PCNX3: variants seen among roughly 807,000 people sequenced by gnomAD.
PCNX3 encodes the protein pecanex 3.
PCNX3 carries 58 observed loss-of-function variants against 207.2 expected under a neutral mutation model. That is an observed-to-expected ratio of 0.28 (90% CI 0.23 to 0.35). The LOEUF (loss-of-function observed/expected upper bound fraction) is 0.35, where lower values mean the gene tolerates loss of function less well. Ranked by LOEUF, PCNX3 falls within the 10% of genes least tolerant of loss-of-function variation. The pLI, the probability that PCNX3 is intolerant of heterozygous loss-of-function variation, is 1.00. For synonymous variants in PCNX3, 1,337 were observed against 1,183.5 expected, an observed-to-expected ratio of 1.13 and a Z score of -2.66; for missense variants, 2,410 against 2,774.4, an observed-to-expected ratio of 0.87 and a Z score of 2.95.
chr11:65,633,580 C>G (rs763863022), intron 27 of PCNX3, among the ~76,000 whole-genome samples: 1 of 152,202 alleles, frequency 6.6e-6, no homozygotes, highest in Non-Finnish European at 1.5e-5. Flanking sequence ...CTCCCGCGCT[C>G]GGGGTTATGT....
chr11:65,635,774 T>C lies in PCNX3; in HGVS notation c.5430T>C (p.Ile1810=), dbSNP rs1565173858. The change falls in exon 32 of 35, where the codon ATT becomes ATC. Residue 1810 remains isoleucine (I), a synonymous_variant. Transcript: ENST00000355703. This position sits in a 1 kb window ranked among gnomAD's most constrained non-coding sequence, Gnocchi z 9.9. Reference sequence around the variant, plus strand: ...GTGGCCCCATCAGCCTGGGTGCCATTGCCCACTGGCTCCTGCGCACCTGGG... The same window carrying C: ...GTGGCCCCATCAGCCTGGGTGCCATCGCCCACTGGCTCCTGCGCACCTGGG... ...LWGGPISLGA[I]AHWLLRTWER... 2 of 1,604,036 alleles carry C rather than the reference T, an allele frequency of 1.2e-6. No homozygotes were observed. The highest frequency in any genetic ancestry group is 1.7e-6 in the Non-Finnish European group (2 of 1,175,936).
At chr11:65,633,960 G>T (rs1024094544) in intron 27 of PCNX3, 166 bp from the exon 28 acceptor site, 8 of 661,384 alleles carry the variant, frequency 1.2e-5, no homozygotes, top group Non-Finnish European at 2.0e-5. Flanking sequence ...AGGGGAAGGA[G>T]CCAACTTGCT....
chr11:65,616,179 C>T lies in PCNX3; in HGVS notation c.-133C>T, dbSNP rs1412022637. ...CACCCTCGCGCGGCCGAGCCCCCCTCCCCCGCTGGGGGAGGCCATGGCGTG... is the reference window on the plus strand; with the variant it reads ...CACCCTCGCGCGGCCGAGCCCCCCTTCCCCGCTGGGGGAGGCCATGGCGTG... On this transcript the variant is annotated 5_prime_UTR_variant, in exon 1 of 35. Coordinates refer to ENST00000355703, the MANE Select transcript of PCNX3 (RefSeq NM_032223.4). 4 of 655,644 alleles carry T rather than the reference C, an allele frequency of 6.1e-6. No individual in the cohort carries two copies. The highest frequency in any genetic ancestry group is 8.9e-6 in the Non-Finnish European group (4 of 451,726). The allele number at this position is 655,644 out of a possible 1,614,324, so 40.6% of individuals were successfully genotyped here.
At chr11:65,622,032 C>G (rs1855130095) in intron 10 of PCNX3, among the ~76,000 whole-genome samples, 1 of 152,130 alleles carries the variant, frequency 6.6e-6, no homozygotes, top group African/African-American at 2.4e-5. Flanking sequence ...TCCTGGGAAC[C>G]TGGAGAGAGG....
In PCNX3 at chr11:65,625,030, G is replaced by T. The variant is rs755753717; in HGVS notation, c.2919+14G>T. The T allele has an allele frequency of 4.4e-6, 7 of 1,608,646 alleles. No homozygotes were observed. In the African/African-American group the frequency reaches 9.4e-5, roughly 21 times the overall value. ...GGGGCCATCAAGGTAGGGGTGGCTT[G>T]CGAGGTGGGGGCATGCTGCAGTGCG... On this transcript the variant is annotated intron_variant, in intron 16 of 34. Transcript: ENST00000355703. The surrounding 1 kb of genome is among the most constrained non-coding windows in gnomAD (Gnocchi z 5.6).
intron 20 of PCNX3, chr11:65,626,436 C>T (rs1163273391): frequency 1.2e-5 from 5 of 408,120 alleles, no homozygotes; most frequent in Non-Finnish European, 2.3e-5. Flanking sequence ...TTAAAAAATC[C>T]TGGAGCCTCT....
Position 65,636,571 on chromosome 11 carries a change from G to T in PCNX3, c.5774G>T (p.Gly1925Val). ...GPRTSRPPGP[G>V]LLSSEGPSGK... The stretch of plus-strand genomic sequence containing the variant: ...CGGACCTCACGGCCCCCTGGCCCGG[G>T]TCTCCTCAGTTCTGAGGGCCCCAGT... The change falls in exon 34 of 35, where the codon GGT becomes GTT. Residue 1925 changes from glycine (G) to valine (V), a missense_variant. Coordinates refer to ENST00000355703, the MANE Select transcript of PCNX3 (RefSeq NM_032223.4). 2 of 1,595,704 alleles carry T rather than the reference G, an allele frequency of 1.3e-6. No individual in the cohort carries two copies. Among genetic ancestry groups the T allele is most frequent in the Middle Eastern group, 3.3e-4 (2 of 5,980 alleles).
At chr11:65,621,667 C>T (rs1855110937) in intron 10 of PCNX3, among the ~76,000 whole-genome samples, 1 of 152,222 alleles carries the variant, frequency 6.6e-6, no homozygotes, top group African/African-American at 2.4e-5. Context: ...GTGCCTCTGG[C>T]TCGCCATTTT....
Position 65,636,433 on chromosome 11 carries a change from C to A in PCNX3, c.5636C>A (p.Pro1879Gln). 6.4e-7 allele frequency: 1 copy of A among 1,554,782 alleles called. No individual in the cohort carries two copies. Among genetic ancestry groups the A allele is most frequent in the Non-Finnish European group, 8.7e-7 (1 of 1,151,698 alleles). Residue 1879 changes from proline (P) to glutamine (Q), a missense_variant, in exon 34 of 35, where the codon CCG (proline) becomes CAG (glutamine). Coordinates refer to ENST00000355703, the MANE Select transcript of PCNX3 (RefSeq NM_032223.4). Reference protein sequence around the residue: ...QPLPPGPGWGPRSSLSGSGDG... With the variant: ...QPLPPGPGWGQRSSLSGSGDG... ...CTCCCACCAGGCCCTGGCTGGGGGCCGCGGTCCTCCCTGAGTGGCTCTGGT... is the reference window on the plus strand; with the variant it reads ...CTCCCACCAGGCCCTGGCTGGGGGCAGCGGTCCTCCCTGAGTGGCTCTGGT...
At chr11:65,626,145 C>T in intron 20 of PCNX3, 91 bp downstream of exon 20, 2 of 1,505,936 alleles carry the variant, frequency 1.3e-6, no homozygotes, top group Non-Finnish European at 8.9e-7. Context: ...CTCAGGAGTG[C>T]CAGCAGGGGG....
chr11:65,620,054 C>G, intron 8 of PCNX3, 122 bp downstream of exon 8: 1 of 1,108,220 alleles, frequency 9.0e-7, no homozygotes, highest in Non-Finnish European at 1.3e-6. Flanking sequence ...TGCCAGACAT[C>G]ATCCTTGCAG....
Position 65,623,653 on chromosome 11 carries a change from G to C in PCNX3, c.2511+9G>C. The C allele has an allele frequency of 6.2e-7, 1 of 1,609,266 alleles. No individual in the cohort carries two copies. Among genetic ancestry groups the C allele is most frequent in the Non-Finnish European group, 8.5e-7 (1 of 1,177,670 alleles). On this transcript the variant is annotated intron_variant, in intron 12 of 34. Transcript: ENST00000355703. ...AGTACTCCTTGCTGAAGGTCAGGCC[G>C]GGCTCTCTGTGTTTCCTTCCCCACC...
At position 65,624,952 on chromosome 11, in the gene PCNX3, T is replaced by C. The variant is rs1192268866; in HGVS notation, c.2855T>C (p.Phe952Ser). ...TAATSPLTAV[F>S]SLSRSLLAAA... ...GCCACCAGCCCGCTCACGGCAGTCT[T>C]CAGCCTCTCCCGCAGCCTGCTGGCT... Residue 952 changes from phenylalanine (F) to serine (S), a missense_variant, in exon 16 of 35, where the codon TTC becomes TCC. Physicochemically the swap from Phe to Ser is radical, Grantham distance 155 (BLOSUM62 -2). Transcript: ENST00000355703. The C allele has an allele frequency of 4.3e-6, 7 of 1,611,888 alleles. No individual in the cohort carries two copies. The highest frequency in any genetic ancestry group is 5.9e-6 in the Non-Finnish European group (7 of 1,179,480).
chr11:65,618,587 C>G lies in PCNX3; in HGVS notation c.1225C>G (p.Arg409Gly). Residue 409 changes from arginine to glycine, a missense_variant, in exon 6 of 35, where the codon CGA becomes GGA. Transcript: ENST00000355703. ...RRHSPPGRAP[R>G]RPLLEGGGFF... The stretch of plus-strand genomic sequence containing the variant: ...ACACTCTCCACCTGGCCGTGCCCCT[C>G]GACGGCCCCTGCTTGAAGGTGGGGG... 1 of 1,612,058 alleles carries G rather than the reference C, an allele frequency of 6.2e-7. No individual in the cohort carries two copies. The highest frequency in any genetic ancestry group is 1.1e-5 in the South Asian group (1 of 91,064).
chr11:65,635,144 G>C lies in PCNX3; in HGVS notation c.4953+24G>C. On this transcript the variant is annotated intron_variant, in intron 30 of 34. Transcript: ENST00000355703. This position sits in a 1 kb window ranked among gnomAD's most constrained non-coding sequence, Gnocchi z 9.9. Reference sequence around the variant, plus strand: ...AGGTTGGGGAGGGGTGTGCCCAGCAGCATGGGCAGGTGGGGGATGAAGCCT... The same window carrying C: ...AGGTTGGGGAGGGGTGTGCCCAGCACCATGGGCAGGTGGGGGATGAAGCCT... The C allele has an allele frequency of 6.2e-7, 1 of 1,609,578 alleles. No individual in the cohort carries two copies. Among genetic ancestry groups the C allele is most frequent in the Non-Finnish European group, 8.5e-7 (1 of 1,177,124 alleles).
intron 21 of PCNX3, 126 bp from the exon 22 acceptor site, chr11:65,627,279 C>G: frequency 8.3e-7 from 1 of 1,203,876 alleles, no homozygotes; most frequent in Non-Finnish European, 1.1e-6. Flanking sequence ...CCCAAAAGAG[C>G]AGGGACCAGC....
chr11:65,631,085 C>T (rs1220763002), intron 27 of PCNX3, among the ~76,000 whole-genome samples: 3 of 152,238 alleles, frequency 2.0e-5, no homozygotes, highest in African/African-American at 7.2e-5. Flanking sequence ...TGGAAGTTGG[C>T]TTGCAGAGGT....
chr11:65,628,680 T>G lies in PCNX3; in HGVS notation c.3788T>G (p.Phe1263Cys). The G allele has an allele frequency of 6.2e-7, 1 of 1,612,624 alleles. No individual in the cohort carries two copies. The highest frequency in any genetic ancestry group is 8.5e-7 in the Non-Finnish European group (1 of 1,179,594). The change falls in exon 23 of 35, where the codon TTT becomes TGT. Residue 1263 changes from phenylalanine (F) to cysteine (C), a missense_variant. By Grantham distance (205) the Phe-to-Cys change is radical. This residue lies in a region of PCNX3 where 420 missense variants were observed against 705.3 expected (regional missense o/e 0.60). Transcript: ENST00000355703. ...ACCTGGGGCTCGGCTTTCCACGCTT[T>G]TGCCCAGCCGTTTGCCGTGCCACGT... ...QITWGSAFHA[F>C]AQPFAVPHSA... is the part of the protein sequence containing the mutation.
intron 22 of PCNX3, 115 bp from the exon 23 acceptor site, chr11:65,628,480 G>T (rs903687592): frequency 1.0e-6 from 1 of 954,260 alleles, no homozygotes; most frequent in Non-Finnish European, 1.6e-6. Context: ...CTTGAGTTTG[G>T]CCCCCGTGGG....
Sources: allele counts gnomAD v4.1 joint callset (sites outside exome capture counted in the v4.1 genomes callset), GRCh38; gene constraint gnomAD v4.1.1; regional missense constraint gnomAD v4.1.1; non-coding constraint Gnocchi (gnomAD v3.1); transcripts MANE v1.5; gene names NCBI Gene and HGNC (gene_info 2026-07-23, HGNC 2026-07-21).